The following RPTOR variants were observed in gnomAD, a reference collection of about 807,000 sequenced individuals.
The protein encoded by RPTOR is regulatory-associated protein of mTOR.
A neutral mutation model predicts 169.9 loss-of-function variants in RPTOR; 21 were observed. That is an observed-to-expected ratio of 0.12 (90% confidence interval 0.09 to 0.18). RPTOR has a LOEUF of 0.18. Ranked by LOEUF, RPTOR falls within the 10% of genes least tolerant of loss-of-function variation. The probability of loss-of-function intolerance (pLI) is 1.00; values close to 1 mark genes in which losing one functional copy is unlikely to be tolerated. For synonymous variants in RPTOR, 732 were observed against 753.2 expected (o/e 0.97, Z 0.46); for missense variants, 1,133 against 1,855.9 (o/e 0.61, Z 7.16).
intron 6 of RPTOR, among the ~76,000 whole-genome samples, chr17:80,772,598 G>A (rs2066855799): frequency 6.7e-6 from 1 of 149,302 alleles, no homozygotes; most frequent in South Asian, 2.2e-4. Context: ...CTGATGAGGG[G>A]CAGCTGCCCC....
At chr17:80,909,594 C>T (rs909742095) in intron 21 of RPTOR, 2 of 152,206 alleles carry the variant, frequency 1.3e-5, no homozygotes, top group African/African-American at 4.8e-5. Flanking sequence ...GTCTCTAACT[C>T]CTCAGTTCAA....
chr17:80,889,250 C>T (rs554789374), intron 17 of RPTOR, among the ~76,000 whole-genome samples: 3 of 152,290 alleles, frequency 2.0e-5, no homozygotes, highest in Non-Finnish European at 2.9e-5. Flanking sequence ...AGTTGCCCCT[C>T]GTTGAAGGGG....
At chr17:80,551,613 C>T (rs1421619762) in intron 1 of RPTOR, among the ~76,000 whole-genome samples, 2 of 152,260 alleles carry the variant, frequency 1.3e-5, no homozygotes, top group African/African-American at 4.8e-5. Context: ...TTTTCCCTAT[C>T]TCAGTAGATG....
At chr17:80,916,216 A>G (rs1387816099) in intron 21 of RPTOR, among the ~76,000 whole-genome samples, 1 of 152,232 alleles carries the variant, frequency 6.6e-6, no homozygotes, top group Admixed American at 6.5e-5. Context: ...GCAGCCCTTC[A>G]GGGAACCCAG....
chr17:80,963,813 C>T (rs549609431), intron 33 of RPTOR, among the ~76,000 whole-genome samples: 52 of 150,472 alleles, frequency 3.5e-4, no homozygotes, highest in African/African-American at 1.2e-3. Flanking sequence ...TCACCCCGTC[C>T]GCTGTGCGGC....
rs184941871 is a variant in RPTOR, at chr17:80,901,487, A to G, written c.2402-7324A>G. ...ATGAGCTGGAGTTTAGGAAGGAAAGAAAACAAAGTCGCCCCTGCAAAGCCA... is the reference window on the plus strand; with the variant it reads ...ATGAGCTGGAGTTTAGGAAGGAAAGGAAACAAAGTCGCCCCTGCAAAGCCA... On this transcript the variant is annotated intron_variant, in intron 20 of 33. Coordinates refer to ENST00000306801, the MANE Select transcript of RPTOR (RefSeq NM_020761.3). Among the ~76,000 whole-genome samples the G allele has an allele frequency of 1.9e-3, 285 of 152,296 alleles. 2 individuals carry two copies. The highest frequency in any genetic ancestry group is 6.7e-3 in the African/African-American group (277 of 41,556).
At chr17:80,941,587 A>T (rs1468032) in intron 25 of RPTOR, among the ~76,000 whole-genome samples, 50,699 of 152,144 alleles carry the variant, frequency 0.33, 8,619 homozygotes, top group East Asian at 0.49. Flanking sequence ...GGGGGACCTC[A>T]AGCTGCCCCC....
intron 18 of RPTOR, 116 bp downstream of exon 18, chr17:80,891,953 G>T (rs1598382663): frequency 5.9e-4 from 342 of 584,468 alleles, no homozygotes; most frequent in South Asian, 8.8e-4. Context: ...TCAGATACCT[G>T]CCGCAAGGGG....
At chr17:80,658,132 G>A (rs1411435226) in intron 3 of RPTOR, among the ~76,000 whole-genome samples, 1 of 152,186 alleles carries the variant, frequency 6.6e-6, no homozygotes, top group East Asian at 1.9e-4. Flanking sequence ...CATGGGGTTG[G>A]AGTTTCTATG....
intron 7 of RPTOR, among the ~76,000 whole-genome samples, chr17:80,797,916 C>T (rs955773937): frequency 2.0e-5 from 3 of 152,210 alleles, no homozygotes; most frequent in Admixed American, 6.5e-5. Flanking sequence ...CAGATCCACT[C>T]GGAAAGCAGC....
chr17:80,854,466 T>G (rs4969282), intron 11 of RPTOR, among the ~76,000 whole-genome samples: 129,342 of 152,242 alleles, frequency 0.85, 55,055 homozygotes, highest in South Asian at 0.89. Flanking sequence ...GGGTTCAGCC[T>G]CAGGGTCATT....
chr17:80,571,963 GTAAC>G (rs1233475593), intron 1 of RPTOR, among the ~76,000 whole-genome samples: 2 of 152,334 alleles, frequency 1.3e-5, no homozygotes, highest in East Asian at 1.9e-4. Flanking sequence ...TAGGGATAGA[GTAAC>G]TATTTTAAAT....
At position 80,960,582 on chromosome 17, in the gene RPTOR, G is replaced by A. The variant is rs1472321081; in HGVS notation, c.3605+377G>A. Among the ~76,000 whole-genome samples the A allele has an allele frequency of 6.6e-6, 1 of 152,222 alleles. No homozygotes were observed. Among genetic ancestry groups the A allele is most frequent in the Non-Finnish European group, 1.5e-5 (1 of 68,042 alleles). ...TACTGCCACTGCCTGCCACCTCCTG[G>A]GTCATGCAGCAAGTGTCTGGGGAGG... On this transcript the variant is annotated intron_variant, in intron 30 of 33. Coordinates refer to ENST00000306801, the MANE Select transcript of RPTOR (RefSeq NM_020761.3). The surrounding 1 kb of genome is among the most constrained non-coding windows in gnomAD (Gnocchi z 4.8).
At chr17:80,757,183 A>C (rs1442962250) in intron 6 of RPTOR, among the ~76,000 whole-genome samples, 1 of 152,192 alleles carries the variant, frequency 6.6e-6, no homozygotes, top group Admixed American at 6.5e-5. Flanking sequence ...GAGAACAAGA[A>C]TATGGCAGAG....
Position 80,964,896 on chromosome 17 carries a change from G to A in RPTOR, c.*566G>A. On this transcript the variant is annotated 3_prime_UTR_variant, in exon 34 of 34. Transcript: ENST00000306801. Reference sequence around the variant, plus strand: ...TCGGGAAACCAAGAGAGAGGAAGAAGGAGACGCCCCTCCAACTGGCGGGTG... The same window carrying A: ...TCGGGAAACCAAGAGAGAGGAAGAAAGAGACGCCCCTCCAACTGGCGGGTG... 4.3e-6 allele frequency: 1 copy of A among 234,008 alleles called. No individual in the cohort carries two copies. Among genetic ancestry groups the A allele is most frequent in the East Asian group, 6.0e-5 (1 of 16,592 alleles). 14.5% of individuals were successfully genotyped at this position (234,008 alleles called of 1,614,324 possible).
In RPTOR at chr17:80,844,047, G is replaced by A. The variant is rs541819512; in HGVS notation, c.1213-2426G>A. ...CTGAATGGACTTCGCTCCCCTGCAC[G>A]CAGGGGCCAGCTCAGGAGCTCTTCA... On this transcript the variant is annotated intron_variant, in intron 10 of 33. Transcript: ENST00000306801. This position sits in a 1 kb window ranked among gnomAD's most constrained non-coding sequence, Gnocchi z 4.7. 4.6e-5 allele frequency among the ~76,000 whole-genome samples: 7 copies of A among 152,262 alleles called. No individual in the cohort carries two copies. In the East Asian group the frequency reaches 9.7e-4, roughly 21 times the overall value.
chr17:80,868,471 G>C (rs925853422), intron 13 of RPTOR, among the ~76,000 whole-genome samples: 1 of 152,224 alleles, frequency 6.6e-6, no homozygotes, highest in East Asian at 1.9e-4. Context: ...AGAAGCTGCT[G>C]TTATCAAGTG....
chr17:80,689,421 C>T (rs2065972931), intron 3 of RPTOR, among the ~76,000 whole-genome samples: 1 of 152,240 alleles, frequency 6.6e-6, no homozygotes, highest in Non-Finnish European at 1.5e-5. Flanking sequence ...CGCTGGAGCC[C>T]TCTGCTGAGT....
intron 3 of RPTOR, among the ~76,000 whole-genome samples, chr17:80,700,153 G>A (rs147562609): frequency 6.6e-6 from 1 of 152,348 alleles, no homozygotes; most frequent in African/African-American, 2.4e-5. Context: ...ATCCTTTCTT[G>A]TGGCTGAAGT....
Sources: gnomAD v4.1 joint callset for allele counts (sites outside exome capture counted in the v4.1 genomes callset) on GRCh38, gnomAD v4.1.1 for gene constraint, Gnocchi (gnomAD v3.1) non-coding constraint, MANE v1.5 for transcripts, NCBI Gene and HGNC (gene_info 2026-07-23, HGNC 2026-07-21) for gene names.